CSMD3: variants seen among roughly 807,000 people sequenced by gnomAD.
CSMD3 encodes CUB and sushi domain-containing protein 3.
In CSMD3, 177 loss-of-function variants were observed where a neutral mutation model predicts 435.2. That is an observed-to-expected ratio of 0.41 (90% CI 0.36 to 0.46). The LOEUF (loss-of-function observed/expected upper bound fraction) is 0.46, where lower values mean the gene tolerates loss of function less well. Ranked by LOEUF, CSMD3 falls within the 20% of genes least tolerant of loss-of-function variation. The pLI, the probability that CSMD3 is intolerant of heterozygous loss-of-function variation, is 0.34. For missense variants in CSMD3, 4,265 were observed against 4,504.6 expected (o/e 0.95, Z 1.52); for synonymous variants, 1,656 against 1,520.5 (o/e 1.09, Z -2.07).
intron 3 of CSMD3, among the ~76,000 whole-genome samples, chr8:113,259,934 A>G (rs1246911159): frequency 2.0e-5 from 3 of 152,058 alleles, no homozygotes; most frequent in Non-Finnish European, 4.4e-5. Flanking sequence ...TGATTGAATC[A>G]TGGGGGTGGT....
chr8:113,222,506 C>T (rs929261890), intron 3 of CSMD3, among the ~76,000 whole-genome samples: 4 of 150,812 alleles, frequency 2.7e-5, no homozygotes, highest in Admixed American at 6.6e-5. Flanking sequence ...ATTTTAAAAA[C>T]GTAACACATT....
At chr8:112,323,028 G>C (rs1823146141) in intron 45 of CSMD3, among the ~76,000 whole-genome samples, 1 of 151,992 alleles carries the variant, frequency 6.6e-6, no homozygotes, top group Non-Finnish European at 1.5e-5. Flanking sequence ...GGATGAAATA[G>C]AAACAATTGA....
intron 3 of CSMD3, among the ~76,000 whole-genome samples, chr8:113,199,789 T>G (rs2092698446): frequency 6.6e-6 from 1 of 151,786 alleles, no homozygotes; most frequent in Non-Finnish European, 1.5e-5. Context: ...TTTCCATAGC[T>G]ATCCAAAGTT....
intron 45 of CSMD3, among the ~76,000 whole-genome samples, chr8:112,327,038 G>A (rs1419589246): frequency 6.6e-6 from 1 of 151,810 alleles, no homozygotes; most frequent in Non-Finnish European, 1.5e-5. Flanking sequence ...AAATAAATAA[G>A]TAAATAAATA....
intron 3 of CSMD3, among the ~76,000 whole-genome samples, chr8:113,232,036 C>T (rs1438122238): frequency 6.6e-6 from 1 of 151,476 alleles, no homozygotes; most frequent in African/African-American, 2.4e-5. Flanking sequence ...ATTTAAACCA[C>T]TACTTGCATC....
At chr8:112,350,935 C>T (rs1826083742) in intron 40 of CSMD3, among the ~76,000 whole-genome samples, 1 of 151,616 alleles carries the variant, frequency 6.6e-6, no homozygotes, top group Admixed American at 6.6e-5. Flanking sequence ...CTTAAGTCAT[C>T]CACTGATACT....
At chr8:113,026,659 T>C (rs556102061) in intron 5 of CSMD3, among the ~76,000 whole-genome samples, 36 of 152,214 alleles carry the variant, frequency 2.4e-4, no homozygotes, top group Non-Finnish European at 4.4e-4. Context: ...AGAGAAGTTA[T>C]TTGGGCACAT....
chr8:112,472,773 C>T, intron 31 of CSMD3, 66 bp from the exon 32 acceptor site: 2 of 837,630 alleles, frequency 2.4e-6, no homozygotes, highest in Non-Finnish European at 4.2e-6. Flanking sequence ...CCATGGTTAT[C>T]TTCTTCATAT....
At chr8:113,217,148 A>C (rs1479168412) in intron 3 of CSMD3, among the ~76,000 whole-genome samples, 1 of 151,866 alleles carries the variant, frequency 6.6e-6, no homozygotes, top group Non-Finnish European at 1.5e-5. Flanking sequence ...AGAAAAGAAA[A>C]ATAGAAATAA....
intron 45 of CSMD3, among the ~76,000 whole-genome samples, chr8:112,329,421 T>TC (rs769014265): frequency 3.3e-5 from 5 of 151,874 alleles, no homozygotes; most frequent in East Asian, 1.9e-4. Flanking sequence ...TATATTCCAT[T>TC]CCCCCCCACC....
intron 5 of CSMD3, among the ~76,000 whole-genome samples, chr8:113,021,647 A>C (rs1044128536): frequency 1.3e-5 from 2 of 152,172 alleles, no homozygotes; most frequent in Non-Finnish European, 2.9e-5. Flanking sequence ...GTTCAATAAA[A>C]ATGATAAACT....
At chr8:113,015,289 A>G (rs2086412561) in intron 6 of CSMD3, among the ~76,000 whole-genome samples, 1 of 152,064 alleles carries the variant, frequency 6.6e-6, no homozygotes, top group Non-Finnish European at 1.5e-5. Flanking sequence ...TCCCAAAATG[A>G]TCATAGCCTA....
chr8:112,335,512 A>T (rs2130949688), intron 44 of CSMD3, 38 bp from the exon 45 acceptor site: 1 of 1,595,042 alleles, frequency 6.3e-7, no homozygotes, highest in Non-Finnish European at 8.6e-7. Context: ...AGAGATCAAG[A>T]TTGATTGTGG....
At chr8:112,369,215 A>C (rs2131165418) in intron 38 of CSMD3, among the ~76,000 whole-genome samples, 1 of 152,208 alleles carries the variant, frequency 6.6e-6, no homozygotes, top group Admixed American at 6.5e-5. Context: ...TTATTATTTT[A>C]AAAGGAAAAA....
chr8:112,773,603 C>T (rs1027074561), intron 13 of CSMD3, among the ~76,000 whole-genome samples: 2 of 151,880 alleles, frequency 1.3e-5, no homozygotes, highest in East Asian at 3.9e-4. Context: ...CCTAAGCTTT[C>T]CTTTGAGTGA....
chr8:112,599,192 T>A, intron 22 of CSMD3, among the ~76,000 whole-genome samples: 1 of 141,894 alleles, frequency 7.0e-6, no homozygotes, highest in Admixed American at 6.9e-5. Flanking sequence ...AACAACCCCA[T>A]CAAAAAGTGG....
At chr8:112,610,999 C>T (rs1325296884) in intron 22 of CSMD3, among the ~76,000 whole-genome samples, 1 of 152,114 alleles carries the variant, frequency 6.6e-6, no homozygotes, top group African/African-American at 2.4e-5. Context: ...AACAATAACT[C>T]TTGGAAAATG....
intron 10 of CSMD3, among the ~76,000 whole-genome samples, chr8:112,886,700 A>G (rs963782821): frequency 1.3e-5 from 2 of 151,430 alleles, no homozygotes; most frequent in African/African-American, 4.8e-5. Context: ...ATTCTTGGAG[A>G]ACTGGTGCCA....
At chr8:112,706,268 A>G (rs1161537035) in intron 13 of CSMD3, among the ~76,000 whole-genome samples, 2 of 152,120 alleles carry the variant, frequency 1.3e-5, no homozygotes, top group Non-Finnish European at 2.9e-5. Context: ...TTGAAATTGT[A>G]CTATGTCCTA....
Sources: allele counts gnomAD v4.1 joint callset (sites outside exome capture counted in the v4.1 genomes callset), GRCh38; gene constraint gnomAD v4.1.1; transcripts MANE v1.5; gene names NCBI Gene and HGNC (gene_info 2026-07-23, HGNC 2026-07-21).